Variants in GNG12 observed in about 807,000 individuals in gnomAD.
The protein encoded by GNG12 is G protein subunit gamma 12.
For missense variants in GNG12, 69 were observed against 83.8 expected (o/e 0.82, Z 0.69); for synonymous variants, 28 against 29.7 (o/e 0.94, Z 0.19).
At chr1:67,798,004 C>G (rs551221107) in intron 1 of GNG12, among the ~76,000 whole-genome samples, 19 of 152,276 alleles carry the variant, frequency 1.2e-4, no homozygotes, top group Middle Eastern at 3.4e-3. Context: ...CTAGCCCACC[C>G]TTGCCCAAAC....
At position 67,707,581 on chromosome 1, in the gene GNG12, C is replaced by T. The variant is rs2295942; in HGVS notation, c.93+13G>A. The T allele has an allele frequency of 0.52, 704,514 of 1,352,280 alleles. 188,386 individuals are homozygous for T. Among genetic ancestry groups the T allele is most frequent in the South Asian group, 0.57 (47,568 of 83,070 alleles). The allele number at this position is 1,352,280 out of a possible 1,614,324, so 83.8% of individuals were successfully genotyped here. On this transcript the variant is annotated intron_variant, in intron 3 of 3. Transcript: ENST00000370982. ...GAGCAGAAAGCATATGTTATCCAGTCGGGGCTTCTTACCTTTATTCTTTCA... is the reference window on the plus strand; with the variant it reads ...GAGCAGAAAGCATATGTTATCCAGTTGGGGCTTCTTACCTTTATTCTTTCA...
intron 1 of GNG12, among the ~76,000 whole-genome samples, chr1:67,792,733 G>A (rs1646808523): frequency 6.6e-6 from 1 of 152,128 alleles, no homozygotes; most frequent in Admixed American, 6.6e-5. Context: ...CACAACTTTT[G>A]TTGTATGGTT....
intron 2 of GNG12, among the ~76,000 whole-genome samples, chr1:67,763,118 A>AGAGAGAGAGAGAGAGAGAGAGG (rs1279246951): frequency 5.3e-5 from 8 of 151,696 alleles, no homozygotes; most frequent in South Asian, 4.2e-4. Flanking sequence ...AGAGAGAGAG[A>AGAGAGAGAGAGAGAGAGAGAGG]GAATCAATAT....
rs757343160 is a variant in GNG12, at chr1:67,705,602, C to T, written c.94-26G>A. The T allele has an allele frequency of 8.2e-6, 13 of 1,588,192 alleles. 1 individual carries two copies. The highest frequency in any genetic ancestry group is 8.1e-5 in the South Asian group (7 of 85,892). On this transcript the variant is annotated intron_variant, in intron 3 of 3. Coordinates refer to ENST00000370982, the MANE Select transcript of GNG12 (RefSeq NM_018841.6). ...CTGACATGGAGATAAATCAAACAAA[C>T]AAGAAAGAAAATATTTTACTTGCAC...
intron 1 of GNG12, among the ~76,000 whole-genome samples, chr1:67,786,866 G>A (rs1286840071): frequency 6.6e-6 from 1 of 151,954 alleles, no homozygotes; most frequent in Non-Finnish European, 1.5e-5. Context: ...GAACCTGGGA[G>A]GTGGAGGTTG....
In GNG12 at chr1:67,707,702, T is replaced by C. The variant is rs1570472484; in HGVS notation, c.-16A>G. 1 of 1,569,436 alleles carries C rather than the reference T, an allele frequency of 6.4e-7. No individual in the cohort carries two copies. Among genetic ancestry groups the C allele is most frequent in the Non-Finnish European group, 8.6e-7 (1 of 1,157,456 alleles). On this transcript the variant is annotated 5_prime_UTR_variant, in exon 3 of 4. Transcript: ENST00000370982. The stretch of plus-strand genomic sequence containing the variant: ...TGCTGGACATCTTCAATTATTGTTT[T>C]TACCTGAAATCTGAGGAGAATTTTT...
At chr1:67,781,217 G>C (rs1420625479) in intron 1 of GNG12, among the ~76,000 whole-genome samples, 1 of 152,130 alleles carries the variant, frequency 6.6e-6, no homozygotes, top group African/African-American at 2.4e-5. Flanking sequence ...CCTTTATACT[G>C]CATCTAGAAT....
At chr1:67,777,257 GC>G (rs1646711243) in intron 2 of GNG12, 200 bp downstream of exon 2, 1 of 152,246 alleles carries the variant, frequency 6.6e-6, no homozygotes, top group Non-Finnish European at 1.5e-5. Context: ...TCTTTATCCT[GC>G]CCATGGTCTT....
intron 2 of GNG12, among the ~76,000 whole-genome samples, chr1:67,739,688 T>TCACA (rs1646471981): frequency 6.6e-6 from 1 of 152,240 alleles, no homozygotes; most frequent in African/African-American, 2.4e-5. Flanking sequence ...ACAGATGAAC[T>TCACA]TCAGGGTTGA....
At chr1:67,716,324 A>C (rs1646325102) in intron 2 of GNG12, among the ~76,000 whole-genome samples, 1 of 152,202 alleles carries the variant, frequency 6.6e-6, no homozygotes, top group Admixed American at 6.5e-5. Flanking sequence ...GGTGTCTTTC[A>C]TTAGTTGATT....
intron 2 of GNG12, among the ~76,000 whole-genome samples, chr1:67,720,897 A>T (rs1444426112): frequency 6.6e-6 from 1 of 152,230 alleles, no homozygotes; most frequent in Non-Finnish European, 1.5e-5. Flanking sequence ...GGAGCATATT[A>T]TACACATTGC....
intron 1 of GNG12, among the ~76,000 whole-genome samples, chr1:67,801,277 T>C (rs77994840): frequency 6.6e-6 from 1 of 152,226 alleles, no homozygotes; most frequent in Non-Finnish European, 1.5e-5. Context: ...CTCATGAATA[T>C]GTGGAACTCT....
intron 1 of GNG12, among the ~76,000 whole-genome samples, chr1:67,818,289 G>C (rs927389872): frequency 6.6e-6 from 1 of 152,156 alleles, no homozygotes; most frequent in Non-Finnish European, 1.5e-5. Flanking sequence ...GAAACAGTGT[G>C]AGGAAATCCA....
intron 1 of GNG12, among the ~76,000 whole-genome samples, chr1:67,786,779 CA>C (rs1232698598): frequency 6.6e-6 from 1 of 151,428 alleles, no homozygotes; most frequent in Non-Finnish European, 1.5e-5. Context: ...AAAACAACAA[CA>C]AAAAAAACTA....
chr1:67,731,731 C>T (rs544843288), intron 2 of GNG12, among the ~76,000 whole-genome samples: 1 of 152,298 alleles, frequency 6.6e-6, no homozygotes, highest in South Asian at 2.1e-4. Context: ...TAAAGCGGGG[C>T]ATGATATGAT....
intron 2 of GNG12, among the ~76,000 whole-genome samples, chr1:67,756,621 C>T (rs985251600): frequency 1.3e-5 from 2 of 152,092 alleles, no homozygotes; most frequent in South Asian, 2.1e-4. Context: ...CATGAGTGCA[C>T]GTGTGTGTGC....
At position 67,707,585 on chromosome 1, in the gene GNG12, G is replaced by A. The variant is rs1036233206; in HGVS notation, c.93+9C>T. The A allele has an allele frequency of 4.9e-6, 7 of 1,421,166 alleles. No individual in the cohort carries two copies. The highest frequency in any genetic ancestry group is 6.9e-6 in the Non-Finnish European group (7 of 1,010,086). 88.0% of individuals were successfully genotyped at this position (1,421,166 alleles called of 1,614,324 possible). On this transcript the variant is annotated intron_variant, in intron 3 of 3. Coordinates refer to ENST00000370982, the MANE Select transcript of GNG12 (RefSeq NM_018841.6). ...AGAAAGCATATGTTATCCAGTCGGG[G>A]CTTCTTACCTTTATTCTTTCAATGG... is the stretch of plus-strand genomic sequence containing the variant.
At chr1:67,740,132 A>G (rs1646474481) in intron 2 of GNG12, among the ~76,000 whole-genome samples, 1 of 152,240 alleles carries the variant, frequency 6.6e-6, no homozygotes, top group Non-Finnish European at 1.5e-5. Flanking sequence ...TATTACATTA[A>G]GTAAAAAATG....
At chr1:67,725,272 T>C (rs1256563482) in intron 2 of GNG12, among the ~76,000 whole-genome samples, 1 of 152,156 alleles carries the variant, frequency 6.6e-6, no homozygotes, top group Non-Finnish European at 1.5e-5. Flanking sequence ...AAATGCAAAA[T>C]AGGATACTTA....
Sources: allele counts gnomAD v4.1 joint callset (sites outside exome capture counted in the v4.1 genomes callset), GRCh38; gene constraint gnomAD v4.1.1; transcripts MANE v1.5; gene names NCBI Gene and HGNC (gene_info 2026-07-23, HGNC 2026-07-21).